EBF2: variants seen among roughly 807,000 people sequenced by gnomAD.
EBF2 encodes EBF transcription factor 2, also known as transcription factor COE2.
A neutral mutation model predicts 72.8 loss-of-function variants in EBF2; 21 were observed. The ratio of observed to expected loss-of-function variants is 0.29; its 90% CI spans 0.20 to 0.42. The LOEUF is 0.42. Ranked by LOEUF, EBF2 falls within the 10% of genes least tolerant of loss-of-function variation. The pLI is 1.00. For synonymous variants in EBF2, 299 were observed against 274.2 expected (o/e 1.09, Z -0.89); for missense variants, 637 against 731.2 (o/e 0.87, Z 1.49).
At chr8:26,002,888 GGGCAGGCA>G (rs1243627440) in intron 6 of EBF2, among the ~76,000 whole-genome samples, 819 of 81,488 alleles carry the variant, frequency 0.01, 5 homozygotes, top group Non-Finnish European at 0.013. Context: ...GCGGGCAGGC[GGGCAGGCA>G]GGCGGGCAGG....
intron 6 of EBF2, among the ~76,000 whole-genome samples, chr8:26,029,901 C>T (rs1187233368): frequency 6.6e-6 from 1 of 152,154 alleles, no homozygotes; most frequent in East Asian, 1.9e-4. Flanking sequence ...GGAAACCTGA[C>T]TTTATGCCCT....
chr8:26,019,937 G>T (rs956429044), intron 6 of EBF2, among the ~76,000 whole-genome samples: 17 of 152,294 alleles, frequency 1.1e-4, no homozygotes, highest in African/African-American at 3.9e-4. Context: ...CACCTTCTCT[G>T]CAGAGAAGGA....
chr8:25,975,135 A>G (rs1804248568), intron 6 of EBF2, among the ~76,000 whole-genome samples: 6 of 152,204 alleles, frequency 3.9e-5, no homozygotes, highest in Admixed American at 1.3e-4. Flanking sequence ...ATGAAACTTC[A>G]CATCCTGGCC....
At chr8:25,899,339 G>C (rs1802911570) in intron 7 of EBF2, among the ~76,000 whole-genome samples, 1 of 151,740 alleles carries the variant, frequency 6.6e-6, no homozygotes, top group African/African-American at 2.4e-5. Flanking sequence ...CTGCTGATCA[G>C]AGAGGCCATA....
chr8:25,941,210 C>CTTT (rs5890269), intron 6 of EBF2, among the ~76,000 whole-genome samples: 3 of 142,290 alleles, frequency 2.1e-5, no homozygotes, highest in Admixed American at 7.0e-5. Context: ...GCTCCCCCAT[C>CTTT]TTTTTTTTTT....
chr8:26,017,468 G>A (rs1348608305), intron 6 of EBF2, among the ~76,000 whole-genome samples: 3 of 152,124 alleles, frequency 2.0e-5, no homozygotes, highest in Non-Finnish European at 2.9e-5. Context: ...AGATGCAAAT[G>A]AGCCCTCACA....
At chr8:25,846,635 G>A (rs953328539) in intron 15 of EBF2, among the ~76,000 whole-genome samples, 1 of 152,156 alleles carries the variant, frequency 6.6e-6, no homozygotes, top group Admixed American at 6.5e-5. Context: ...GCTGCAGTGA[G>A]CCATGATTGC....
chr8:26,033,428 C>T (rs1488873339), intron 5 of EBF2, among the ~76,000 whole-genome samples: 1 of 152,196 alleles, frequency 6.6e-6, no homozygotes, highest in Admixed American at 6.5e-5. Context: ...TGGGTTGTTA[C>T]CATGTTGGCC....
intron 10 of EBF2, among the ~76,000 whole-genome samples, chr8:25,878,397 G>A (rs188262112): frequency 4.7e-4 from 72 of 152,322 alleles, no homozygotes; most frequent in Admixed American, 3.3e-3. Flanking sequence ...TAGGGAAGAG[G>A]CCATGGCTCT....
In EBF2 at chr8:25,861,390, G is replaced by C; in HGVS notation, c.1099-16C>G. 3 of 1,614,012 alleles carry C rather than the reference G, an allele frequency of 1.9e-6. No individual in the cohort carries two copies. The highest frequency in any genetic ancestry group is 2.5e-6 in the Non-Finnish European group (3 of 1,179,990). ...ACAGCATCTCCTGGAAAATAAGCGA[G>C]GATGGGATATTGTCAAAGGCAAAAT... On this transcript the variant is annotated splice_polypyrimidine_tract_variant and intron_variant, in intron 11 of 15. Transcript: ENST00000520164.
chr8:26,041,321 A>G lies in EBF2; in HGVS notation c.289-319T>C. The G allele has an allele frequency of 5.1e-6, 2 of 390,194 alleles. 1 individual carries two copies. Among genetic ancestry groups the G allele is most frequent in the Non-Finnish European group, 9.5e-6 (2 of 209,904 alleles). 24.2% of individuals were successfully genotyped at this position (390,194 alleles called of 1,614,324 possible). On this transcript the variant is annotated intron_variant, in intron 2 of 15. Coordinates refer to ENST00000520164, the MANE Select transcript of EBF2 (RefSeq NM_022659.4). The stretch of plus-strand genomic sequence containing the variant: ...CCTTTAAACAGGCACCACCCAACCC[A>G]TCGGGCTCTGTCTGTCCTTAGGAAG...
intron 6 of EBF2, among the ~76,000 whole-genome samples, chr8:25,944,290 T>C (rs764504243): frequency 6.6e-6 from 1 of 152,174 alleles, no homozygotes; most frequent in Non-Finnish European, 1.5e-5. Flanking sequence ...TCCACCAAAG[T>C]GATCTCCCTC....
At chr8:25,944,403 C>A (rs994676801) in intron 6 of EBF2, among the ~76,000 whole-genome samples, 1 of 152,108 alleles carries the variant, frequency 6.6e-6, no homozygotes, top group Non-Finnish European at 1.5e-5. Flanking sequence ...AGTCTTCACT[C>A]CCCTGATAAG....
chr8:25,865,290 A>G (rs554128904), intron 10 of EBF2, among the ~76,000 whole-genome samples: 2 of 152,254 alleles, frequency 1.3e-5, no homozygotes, highest in South Asian at 4.1e-4. Context: ...TTTTTTGTTT[A>G]CCATTTTAAT....
Position 25,858,374 on chromosome 8 carries a change from A to G in EBF2, c.1473T>C (p.Gly491=). 1 of 1,614,148 alleles carries G rather than the reference A, an allele frequency of 6.2e-7. No homozygotes were observed. The highest frequency in any genetic ancestry group is 8.5e-7 in the Non-Finnish European group (1 of 1,180,018). Residue 491 remains glycine, a synonymous_variant, in exon 14 of 16, where the codon GGT becomes GGC. Transcript: ENST00000520164. ...TTAGAAATCCTGGTGAACCTGGAAC[A>G]CCCAAGTTGGCCATGGGGACATTGC... ...GYSNVPMANL[G]VPGSPGFLNG... is the part of the protein sequence containing the mutation.
At chr8:25,861,413 A>T (rs1802211184) in intron 11 of EBF2, 39 bp from the exon 12 acceptor site, 3 of 1,607,240 alleles carry the variant, frequency 1.9e-6, no homozygotes, top group Non-Finnish European at 2.5e-6. Flanking sequence ...TCAAAGGCAA[A>T]ATCCAAGATG....
At chr8:26,043,297 G>A (rs765404569) in intron 1 of EBF2, among the ~76,000 whole-genome samples, 7 of 152,290 alleles carry the variant, frequency 4.6e-5, no homozygotes, top group Non-Finnish European at 1.0e-4. Context: ...GAACCCCGGT[G>A]CGCAAGCACC....
At chr8:26,004,903 A>G (rs1804811047) in intron 6 of EBF2, among the ~76,000 whole-genome samples, 1 of 151,854 alleles carries the variant, frequency 6.6e-6, no homozygotes, top group African/African-American at 2.4e-5. Context: ...CATAAAATAG[A>G]GTCTATTCCT....
Position 26,014,808 on chromosome 8 carries a change from C to A in EBF2, c.551+18277G>T, listed in dbSNP as rs1805081552. Reference sequence around the variant, plus strand: ...ATCTTTCATGAGCCACATGGGGAAACAGTTTTCTCCTGATCTGAATGAAGA... The same window carrying A: ...ATCTTTCATGAGCCACATGGGGAAAAAGTTTTCTCCTGATCTGAATGAAGA... On this transcript the variant is annotated intron_variant, in intron 6 of 15. Transcript: ENST00000520164. 2.0e-5 allele frequency among the ~76,000 whole-genome samples: 3 copies of A among 152,282 alleles called. No homozygotes were observed. The East Asian group carries it at 5.8e-4, about 29-fold the overall frequency.
Sources: allele counts gnomAD v4.1 joint callset (sites outside exome capture counted in the v4.1 genomes callset), GRCh38; gene constraint gnomAD v4.1.1; transcripts MANE v1.5; gene names NCBI Gene and HGNC (gene_info 2026-07-23, HGNC 2026-07-21).